MYO3B: variants seen among roughly 807,000 people sequenced by gnomAD.
MYO3B encodes the protein myosin IIIB.
MYO3B carries 156 observed loss-of-function variants against 174.6 expected under a neutral mutation model. That is an observed-to-expected ratio of 0.89 (90% CI 0.78 to 1.02). The LOEUF (loss-of-function observed/expected upper bound fraction) is 1.02. Ranked by LOEUF, MYO3B falls within the 50% of genes least tolerant of loss-of-function variation. MYO3B has a pLI of 0.00. For missense variants in MYO3B, 1,632 were observed against 1,639.4 expected (o/e 1.00, Z 0.08); for synonymous variants, 563 against 569.1 (o/e 0.99, Z 0.15).
intron 7 of MYO3B, among the ~76,000 whole-genome samples, chr2:170,268,346 G>A (rs1163337424): frequency 2.0e-5 from 3 of 152,176 alleles, no homozygotes; most frequent in Non-Finnish European, 4.4e-5. Context: ...TAGCAAAGGG[G>A]CCAAGGTAGT....
At chr2:170,641,543 A>G (rs1052006042) in intron 32 of MYO3B, 2 of 152,182 alleles carry the variant, frequency 1.3e-5, no homozygotes, top group African/African-American at 2.4e-5. Context: ...AAAACATTGG[A>G]AACAACTTCT....
chr2:170,519,530 G>A lies in MYO3B; in HGVS notation c.3565G>A (p.Glu1189Lys). ...TTCAAGCAACTCTCCTGCTGTCACA[G>A]AGAAAAATGGGTGAGCATTATCTGC... is the stretch of plus-strand genomic sequence containing the variant. ...QTSSNSPAVT[E>K]KNGHSQAQSS... Residue 1189 changes from glutamate (E) to lysine (K), a missense_variant, in exon 30 of 35, where the codon GAG becomes AAG. Transcript: ENST00000408978. The A allele has an allele frequency of 6.2e-7, 1 of 1,613,770 alleles. No homozygotes were observed. Among genetic ancestry groups the A allele is most frequent in the Non-Finnish European group, 8.5e-7 (1 of 1,179,776 alleles).
intron 30 of MYO3B, among the ~76,000 whole-genome samples, chr2:170,532,454 C>T (rs891651091): frequency 6.6e-6 from 1 of 152,146 alleles, no homozygotes; most frequent in African/African-American, 2.4e-5. Flanking sequence ...TCATTGTATT[C>T]TGGTCATATA....
chr2:170,178,253 T>A lies in MYO3B; in HGVS notation c.-35T>A. 3 of 1,613,880 alleles carry A rather than the reference T, an allele frequency of 1.9e-6. No individual in the cohort carries two copies. The highest frequency in any genetic ancestry group is 2.5e-6 in the Non-Finnish European group (3 of 1,179,730). ...GGTTTTTGGAGGAATGAGAATCCAA[T>A]CTCTCATAAGCCGGATTCAGAAAAT... On this transcript the variant is annotated 5_prime_UTR_variant, in exon 1 of 35. Coordinates refer to ENST00000408978, the MANE Select transcript of MYO3B (RefSeq NM_138995.5).
intron 23 of MYO3B, 102 bp from the exon 24 acceptor site, chr2:170,463,266 C>T: frequency 1.2e-6 from 1 of 857,684 alleles, no homozygotes; most frequent in South Asian, 1.6e-5. Context: ...ATACCATGGC[C>T]CCTCAGGTAT....
At chr2:170,428,223 G>A (rs1291952277) in intron 22 of MYO3B, among the ~76,000 whole-genome samples, 3 of 152,188 alleles carry the variant, frequency 2.0e-5, no homozygotes, top group Non-Finnish European at 4.4e-5. Context: ...AGAGAACATT[G>A]GCAAATTAAA....
intron 7 of MYO3B, among the ~76,000 whole-genome samples, chr2:170,264,253 C>T (rs971486620): frequency 6.6e-6 from 1 of 152,202 alleles, no homozygotes; most frequent in African/African-American, 2.4e-5. Context: ...TCCCCACATT[C>T]GTTTAAATGC....
intron 7 of MYO3B, among the ~76,000 whole-genome samples, chr2:170,237,230 C>G (rs2093080530): frequency 6.6e-6 from 1 of 152,060 alleles, no homozygotes; most frequent in Admixed American, 6.6e-5. Flanking sequence ...AATGCAGGAG[C>G]TAAAAGCTGC....
At chr2:170,457,556 A>G (rs774553557) in intron 23 of MYO3B, among the ~76,000 whole-genome samples, 27 of 152,200 alleles carry the variant, frequency 1.8e-4, no homozygotes, top group Non-Finnish European at 3.2e-4. Context: ...ACACAGGCTC[A>G]GGATCATCAA....
At chr2:170,469,242 A>T (rs911004581) in intron 25 of MYO3B, among the ~76,000 whole-genome samples, 1 of 152,212 alleles carries the variant, frequency 6.6e-6, no homozygotes, top group East Asian at 1.9e-4. Context: ...TTCAGTATAT[A>T]ACATCTGGAA....
At chr2:170,424,384 C>T (rs1007416210) in intron 22 of MYO3B, among the ~76,000 whole-genome samples, 14 of 152,114 alleles carry the variant, frequency 9.2e-5, no homozygotes, top group African/African-American at 3.4e-4. Context: ...TTTGGGAGGC[C>T]GAGGTGCATG....
At chr2:170,209,321 T>C (rs767690090) in intron 3 of MYO3B, among the ~76,000 whole-genome samples, 2 of 152,210 alleles carry the variant, frequency 1.3e-5, no homozygotes, top group Non-Finnish European at 2.9e-5. Flanking sequence ...GGAGTATACC[T>C]TAATCATTAA....
intron 10 of MYO3B, chr2:170,382,351 T>G: frequency 2.8e-6 from 1 of 359,884 alleles, no homozygotes; most frequent in Admixed American, 3.9e-5. Context: ...ATAAAGCTCT[T>G]TATATTGTAG....
At chr2:170,464,917 A>G (rs1462971921) in intron 24 of MYO3B, among the ~76,000 whole-genome samples, 2 of 151,266 alleles carry the variant, frequency 1.3e-5, no homozygotes, top group African/African-American at 2.4e-5. Context: ...CCCAGGCTGG[A>G]GTTCAGTGGT....
intron 28 of MYO3B, among the ~76,000 whole-genome samples, chr2:170,511,453 C>T (rs560148897): frequency 1.3e-5 from 2 of 152,068 alleles, no homozygotes; most frequent in South Asian, 4.2e-4. Flanking sequence ...CAGGAATGAT[C>T]CTAGAGGTGG....
intron 30 of MYO3B, among the ~76,000 whole-genome samples, chr2:170,527,692 T>G (rs991842614): frequency 3.9e-5 from 6 of 152,232 alleles, no homozygotes; most frequent in Non-Finnish European, 8.8e-5. Flanking sequence ...CAGGTTTGTG[T>G]CCAACTACCT....
chr2:170,607,678 T>A (rs918224500), intron 32 of MYO3B, among the ~76,000 whole-genome samples: 2 of 152,252 alleles, frequency 1.3e-5, no homozygotes, highest in African/African-American at 4.8e-5. Flanking sequence ...TTTCACCTGG[T>A]AATAGCTAGC....
At chr2:170,531,414 G>A (rs971851535) in intron 30 of MYO3B, among the ~76,000 whole-genome samples, 4 of 152,268 alleles carry the variant, frequency 2.6e-5, no homozygotes. Context: ...CTACTACAGG[G>A]TAAGAACTTC....
At chr2:170,327,265 T>G (rs962085485) in intron 7 of MYO3B, among the ~76,000 whole-genome samples, 3 of 152,110 alleles carry the variant, frequency 2.0e-5, no homozygotes, top group East Asian at 1.9e-4. Flanking sequence ...CATGCCTGTA[T>G]TCCCAACTAC....
Sources: gnomAD v4.1 joint callset for allele counts (sites outside exome capture counted in the v4.1 genomes callset) on GRCh38, gnomAD v4.1.1 for gene constraint, MANE v1.5 for transcripts, NCBI Gene and HGNC (gene_info 2026-07-23, HGNC 2026-07-21) for gene names.